Variants in RBFOX1 observed in about 807,000 individuals in gnomAD.
The protein encoded by RBFOX1 is RNA binding fox-1 homolog 1.
Under a neutral mutation model 57.7 loss-of-function variants are expected in RBFOX1, and 8 were observed. The observed-to-expected ratio is 0.14, with a 90% confidence interval of 0.08 to 0.25. RBFOX1 has a LOEUF of 0.25. RBFOX1 is among the 10% of genes least tolerant of loss of function. The pLI, the probability that RBFOX1 is intolerant of heterozygous loss-of-function variation, is 1.00. For synonymous variants in RBFOX1, 326 were observed against 222.4 expected (o/e 1.47, Z -4.15); for missense variants, 611 against 548.5 (o/e 1.11, Z -1.14).
chr16:5,767,109 A>C, intron 3 of RBFOX1, among the ~76,000 whole-genome samples: 1 of 152,164 alleles, frequency 6.6e-6, no homozygotes, highest in Non-Finnish European at 1.5e-5. Flanking sequence ...TGCACACCCA[A>C]AGTGTTCCCT....
intron 3 of RBFOX1, among the ~76,000 whole-genome samples, chr16:6,881,342 G>A: frequency 6.6e-6 from 1 of 152,302 alleles, no homozygotes; most frequent in Middle Eastern, 3.4e-3. Flanking sequence ...CAGTGCCACA[G>A]GTTGGGTGGC....
At position 7,361,567 on chromosome 16, in the gene RBFOX1, C is replaced by T. The variant is rs910902093; in HGVS notation, c.28-156580C>T. On this transcript the variant is annotated intron_variant, in intron 4 of 15. Coordinates refer to ENST00000550418, the MANE Select transcript of RBFOX1 (RefSeq NM_018723.4). ...GGCAGGTGGCTAAGGAGGATATTTC[C>T]TTTGTAGCTGTTCCCGGCCTTGTTT... Among the ~76,000 whole-genome samples, 5 of 152,278 alleles carry T rather than the reference C, an allele frequency of 3.3e-5. No individual in the cohort carries two copies. In the East Asian group the frequency reaches 7.7e-4, roughly 24 times the overall value.
At chr16:5,781,759 A>T (rs2054331230) in intron 3 of RBFOX1, among the ~76,000 whole-genome samples, 2 of 152,326 alleles carry the variant, frequency 1.3e-5, no homozygotes, top group Admixed American at 1.3e-4. Flanking sequence ...CACCCATTGA[A>T]ATTTTCTGTT....
At chr16:6,920,579 G>A (rs186340371) in intron 3 of RBFOX1, among the ~76,000 whole-genome samples, 1 of 152,296 alleles carries the variant, frequency 6.6e-6, no homozygotes, top group Admixed American at 6.5e-5. Flanking sequence ...TTCCATTACT[G>A]TTTGGGGAAT....
chr16:5,317,761 T>C (rs554851796), intron 1 of RBFOX1, among the ~76,000 whole-genome samples: 3 of 152,362 alleles, frequency 2.0e-5, no homozygotes, highest in African/African-American at 7.2e-5. Context: ...TCTTGTAAAA[T>C]TGTAGTTAAG....
At chr16:5,454,926 T>TTCCTTCCTTCCTTCCTTC (rs2068562876) in intron 1 of RBFOX1, among the ~76,000 whole-genome samples, 1 of 54,814 alleles carries the variant, frequency 1.8e-5, no homozygotes, top group Non-Finnish European at 3.6e-5. Flanking sequence ...TTTGTTTCTT[T>TTCCTTCCTTCCTTCCTTC]CTTCCTTCCT....
At chr16:7,194,376 A>G (rs2086170597) in intron 4 of RBFOX1, among the ~76,000 whole-genome samples, 2 of 152,222 alleles carry the variant, frequency 1.3e-5, no homozygotes, top group Admixed American at 6.5e-5. Context: ...TTCAATTTAA[A>G]CAAAGCACAT....
At chr16:6,634,862 T>C (rs1271779345) in intron 2 of RBFOX1, among the ~76,000 whole-genome samples, 1 of 132,628 alleles carries the variant, frequency 7.5e-6, no homozygotes, top group African/African-American at 2.9e-5. Flanking sequence ...ACTTTAAATT[T>C]AAATTCAAAA....
At chr16:7,069,744 G>A (rs1354844718) in intron 4 of RBFOX1, among the ~76,000 whole-genome samples, 1 of 152,126 alleles carries the variant, frequency 6.6e-6, no homozygotes, top group Non-Finnish European at 1.5e-5. Context: ...ATCTCCCAGA[G>A]CTCTACAATG....
At chr16:6,794,354 A>G (rs1320964621) in intron 3 of RBFOX1, among the ~76,000 whole-genome samples, 1 of 149,416 alleles carries the variant, frequency 6.7e-6, no homozygotes, top group Non-Finnish European at 1.5e-5. Context: ...TTCTCAAACT[A>G]CAGGAAATTG....
At chr16:6,499,621 C>T (rs2095860012) in intron 2 of RBFOX1, among the ~76,000 whole-genome samples, 1 of 152,036 alleles carries the variant, frequency 6.6e-6, no homozygotes. Context: ...GCTTAAAAAT[C>T]AGTAGGGCAT....
chr16:5,285,925 C>A (rs1327345133), intron 1 of RBFOX1, among the ~76,000 whole-genome samples: 1 of 152,198 alleles, frequency 6.6e-6, no homozygotes, highest in Non-Finnish European at 1.5e-5. Context: ...GCGCCTGCCA[C>A]CACACCTGGC....
At chr16:6,007,982 T>A (rs369984719) in intron 4 of RBFOX1, among the ~76,000 whole-genome samples, 6 of 152,212 alleles carry the variant, frequency 3.9e-5, no homozygotes, top group African/African-American at 1.4e-4. Context: ...GGAGGTTGAC[T>A]TGGGCAGATC....
chr16:7,005,948 C>T (rs1219684685), intron 3 of RBFOX1, among the ~76,000 whole-genome samples: 2 of 152,122 alleles, frequency 1.3e-5, no homozygotes, highest in Admixed American at 6.5e-5. Flanking sequence ...AGAAAAGCCC[C>T]AATTCTTTAA....
intron 5 of RBFOX1, among the ~76,000 whole-genome samples, chr16:7,564,775 C>G (rs1393553003): frequency 6.7e-6 from 1 of 149,930 alleles, no homozygotes; most frequent in African/African-American, 2.5e-5. Flanking sequence ...TGTTAAACAC[C>G]TGGCCCCTTG....
chr16:6,623,102 A>G (rs961956088), intron 2 of RBFOX1, among the ~76,000 whole-genome samples: 5 of 152,194 alleles, frequency 3.3e-5, no homozygotes, highest in Admixed American at 3.3e-4. Context: ...TTGAAGTATT[A>G]TGGAAACGGG....
chr16:7,355,807 C>T (rs941543701), intron 4 of RBFOX1, among the ~76,000 whole-genome samples: 4 of 152,222 alleles, frequency 2.6e-5, no homozygotes, highest in Non-Finnish European at 4.4e-5. Context: ...AAGTTTTTGC[C>T]AATCTGTTGG....
chr16:6,518,753 GTCTATCCATCTA>G lies in RBFOX1; in HGVS notation c.-63-135838_-63-135827del, dbSNP rs1157319889. Among the ~76,000 whole-genome samples, 34 of 151,588 alleles carry G rather than the reference GTCTATCCATCTA, an allele frequency of 2.2e-4. No individual in the cohort carries two copies. The East Asian group carries it at 6.0e-3, about 27-fold the overall frequency. ...TCCATCCATCTATCTCTGTCTGTCT[GTCTATCCATCTA>G]TCTATCCATCTGTCTGTCTGTCTGT... On this transcript the variant is annotated intron_variant, in intron 2 of 15. Coordinates refer to ENST00000550418, the MANE Select transcript of RBFOX1 (RefSeq NM_018723.4).
At chr16:6,211,975 G>A (rs867506359) in intron 1 of RBFOX1, among the ~76,000 whole-genome samples, 10 of 152,150 alleles carry the variant, frequency 6.6e-5, no homozygotes, top group African/African-American at 2.4e-4. Flanking sequence ...TCAGCCTCCA[G>A]AGTAGCTAGG....
Sources: allele counts gnomAD v4.1 joint callset (sites outside exome capture counted in the v4.1 genomes callset), GRCh38; gene constraint gnomAD v4.1.1; transcripts MANE v1.5; gene names NCBI Gene and HGNC (gene_info 2026-07-23, HGNC 2026-07-21).